Variants in DCP1A observed in about 807,000 individuals in gnomAD.
The protein encoded by DCP1A is mRNA-decapping enzyme 1A.
DCP1A carries 20 observed loss-of-function variants against 58.0 expected under a neutral mutation model. The observed-to-expected ratio is 0.34, with a 90% CI of 0.24 to 0.50. The LOEUF (loss-of-function observed/expected upper bound fraction) is 0.50. DCP1A is among the 20% of genes least tolerant of loss of function. The pLI, the probability that DCP1A is intolerant of heterozygous loss-of-function variation, is 0.98. For synonymous variants in DCP1A, 285 were observed against 275.1 expected (o/e 1.04, Z -0.36); for missense variants, 613 against 712.2 (o/e 0.86, Z 1.59).
intron 8 of DCP1A, among the ~76,000 whole-genome samples, chr3:53,289,095 C>G (rs1706757799): frequency 6.6e-6 from 1 of 151,312 alleles, no homozygotes; most frequent in African/African-American, 2.4e-5. Context: ...ACTGCAGCTT[C>G]AACTTCCTGG....
intron 3 of DCP1A, among the ~76,000 whole-genome samples, chr3:53,330,068 CT>C (rs2088958080): frequency 1.3e-5 from 2 of 152,212 alleles, no homozygotes; most frequent in Non-Finnish European, 2.9e-5. Flanking sequence ...CCCTTACTGT[CT>C]CTCTGGTAGA....
At chr3:53,314,130 G>C (rs1707730447) in intron 4 of DCP1A, among the ~76,000 whole-genome samples, 1 of 152,098 alleles carries the variant, frequency 6.6e-6, no homozygotes, top group Non-Finnish European at 1.5e-5. Flanking sequence ...CTGGCCTCAA[G>C]CAATCCTCCC....
At chr3:53,346,795 G>A (rs1429364377) in intron 1 of DCP1A, among the ~76,000 whole-genome samples, 1 of 152,096 alleles carries the variant, frequency 6.6e-6, no homozygotes, top group Non-Finnish European at 1.5e-5. Flanking sequence ...AGTGAACACG[G>A]AAGCCCTTTT....
intron 6 of DCP1A, among the ~76,000 whole-genome samples, chr3:53,302,669 C>T (rs1553687527): frequency 6.6e-6 from 1 of 152,206 alleles, no homozygotes; most frequent in African/African-American, 2.4e-5. Context: ...GTCGCCTAGG[C>T]TGGAGTGCAG....
At chr3:53,307,316 C>T (rs1239403198) in intron 5 of DCP1A, among the ~76,000 whole-genome samples, 1 of 152,114 alleles carries the variant, frequency 6.6e-6, no homozygotes, top group Non-Finnish European at 1.5e-5. Flanking sequence ...TGCTGGAAGC[C>T]ATATGCCACT....
rs1706970528 is a variant in DCP1A, at chr3:53,292,832, A to C, written c.625-5T>G. 1.0e-5 allele frequency: 16 copies of C among 1,594,946 alleles called. No individual in the cohort carries two copies. In the East Asian group the frequency reaches 3.6e-4, roughly 36 times the overall value. On this transcript the variant is annotated splice_region_variant and splice_polypyrimidine_tract_variant and intron_variant, in intron 6 of 9. Transcript: ENST00000610213. ...CTTGTGTCCAGATGGAGCAGACTGA[A>C]AAACAAATGAAACCACCCAGTCAAA...
chr3:53,297,823 G>T (rs1251324583), intron 6 of DCP1A, among the ~76,000 whole-genome samples: 2 of 152,136 alleles, frequency 1.3e-5, no homozygotes, highest in African/African-American at 4.8e-5. Context: ...TAATCAAATG[G>T]CAGGACATGG....
intron 6 of DCP1A, among the ~76,000 whole-genome samples, chr3:53,294,292 T>C (rs926158043): frequency 2.0e-5 from 3 of 152,104 alleles, no homozygotes; most frequent in Admixed American, 6.6e-5. Context: ...ACTAAGATAC[T>C]GGCAGAGAAG....
chr3:53,346,144 A>G (rs1226355356), intron 1 of DCP1A, among the ~76,000 whole-genome samples: 4 of 152,212 alleles, frequency 2.6e-5, no homozygotes, highest in Non-Finnish European at 5.9e-5. Flanking sequence ...CAAAATTTAT[A>G]TATAGGCCAA....
chr3:53,345,490 TGAAA>T (rs1553693051), intron 1 of DCP1A, among the ~76,000 whole-genome samples: 1 of 152,152 alleles, frequency 6.6e-6, no homozygotes, highest in African/African-American at 2.4e-5. Context: ...TCTTGAATAC[TGAAA>T]GTATACCCTG....
intron 7 of DCP1A, among the ~76,000 whole-genome samples, chr3:53,291,495 C>T (rs145013114): frequency 2.0e-5 from 3 of 151,736 alleles, no homozygotes; most frequent in African/African-American, 7.3e-5. Flanking sequence ...CCCTTCCCAG[C>T]CTCTGGTAAC....
chr3:53,301,751 C>T lies in DCP1A; in HGVS notation c.624+2426G>A, dbSNP rs144084100. Among the ~76,000 whole-genome samples the T allele has an allele frequency of 5.9e-3, 893 of 152,144 alleles. 7 individuals carry two copies. The highest frequency in any genetic ancestry group is 0.02 in the African/African-American group (837 of 41,488). On this transcript the variant is annotated intron_variant, in intron 6 of 9. Coordinates refer to ENST00000610213, the MANE Select transcript of DCP1A (RefSeq NM_018403.7). Reference sequence around the variant, plus strand: ...ACAGTTAAACAAATTTTAGTACTTGCGTATCATGTAATACTCTCAGTAATA... The same window carrying T: ...ACAGTTAAACAAATTTTAGTACTTGTGTATCATGTAATACTCTCAGTAATA...
Position 53,287,072 on chromosome 3 carries a change from C to G in DCP1A, c.*508G>C, listed in dbSNP as rs1425582261. ...CTTGAGGAAATAATTCCTAATTTGCCGGCTTAAATTCTGGTCCTAAAAACT... is the reference window on the plus strand; with the variant it reads ...CTTGAGGAAATAATTCCTAATTTGCGGGCTTAAATTCTGGTCCTAAAAACT... On this transcript the variant is annotated 3_prime_UTR_variant, in exon 10 of 10. Transcript: ENST00000610213. The G allele has an allele frequency of 6.6e-6, 1 of 152,256 alleles. No individual in the cohort carries two copies. The highest frequency in any genetic ancestry group is 2.4e-5 in the African/African-American group (1 of 41,424). The allele number at this position is 152,256 out of a possible 1,614,324, so 9.4% of individuals were successfully genotyped here. A position where few individuals can be genotyped will look rare whatever the true frequency, so the allele number is the denominator to read the frequency against.
At position 53,288,212 on chromosome 3, in the gene DCP1A, G is replaced by A; in HGVS notation, c.1521C>T (p.Phe507=). ...VSSVLLAPSV[F]QQTVTRSSDL... ...CCGAAGATCTTGTAACTGTCTGCTG[G>A]AAAACACTTGGGGCCAGCAGGACTG... Residue 507 remains phenylalanine (F), a synonymous_variant, in exon 9 of 10, where the codon TTC becomes TTT. Coordinates refer to ENST00000610213, the MANE Select transcript of DCP1A (RefSeq NM_018403.7). The A allele has an allele frequency of 6.2e-7, 1 of 1,613,952 alleles. No individual in the cohort carries two copies. Among genetic ancestry groups the A allele is most frequent in the Non-Finnish European group, 8.5e-7 (1 of 1,179,878 alleles).
chr3:53,297,912 T>C (rs1559684098), intron 6 of DCP1A, among the ~76,000 whole-genome samples: 1 of 152,192 alleles, frequency 6.6e-6, no homozygotes, highest in Non-Finnish European at 1.5e-5. Context: ...TAAATTAACT[T>C]TGAACAGCCA....
intron 3 of DCP1A, among the ~76,000 whole-genome samples, chr3:53,338,443 CACT>C (rs1471029296): frequency 1.1e-4 from 16 of 152,102 alleles, no homozygotes. Flanking sequence ...CCACCACCAC[CACT>C]ACCCCACAAA....
rs181969965 is a variant in DCP1A, at chr3:53,327,661, T to C, written c.305-8188A>G. On this transcript the variant is annotated intron_variant, in intron 3 of 9. Coordinates refer to ENST00000610213, the MANE Select transcript of DCP1A (RefSeq NM_018403.7). The stretch of plus-strand genomic sequence containing the variant: ...AAAAAATTAGCCAGGCATGGTGGCA[T>C]GTGCCTGTAATCCCAGCTACTGGTG... Among the ~76,000 whole-genome samples the C allele has an allele frequency of 9.5e-3, 1,435 of 151,474 alleles. 20 individuals are homozygous for C. The highest frequency in any genetic ancestry group is 0.013 in the Non-Finnish European group (873 of 67,898).
intron 4 of DCP1A, among the ~76,000 whole-genome samples, chr3:53,314,243 A>T (rs1233456529): frequency 1.3e-5 from 2 of 152,224 alleles, no homozygotes; most frequent in Non-Finnish European, 2.9e-5. Flanking sequence ...CAAGAAGGGC[A>T]GGCCTATAGA....
intron 4 of DCP1A, among the ~76,000 whole-genome samples, chr3:53,314,846 A>G (rs1553689053): frequency 6.6e-6 from 1 of 151,078 alleles, no homozygotes; most frequent in African/African-American, 2.4e-5. Context: ...TAATTTTTGT[A>G]TTTTTAATAA....
Sources: allele counts gnomAD v4.1 joint callset (sites outside exome capture counted in the v4.1 genomes callset), GRCh38; gene constraint gnomAD v4.1.1; transcripts MANE v1.5; gene names NCBI Gene and HGNC (gene_info 2026-07-23, HGNC 2026-07-21).